The following KCNN2 variants were observed in gnomAD, a reference collection of about 807,000 sequenced individuals.
The protein encoded by KCNN2 is small conductance calcium-activated potassium channel protein 2.
KCNN2 carries 24 observed loss-of-function variants against 55.5 expected under a neutral mutation model. That is an observed-to-expected ratio of 0.43 (90% CI 0.31 to 0.61). The LOEUF (loss-of-function observed/expected upper bound fraction) is 0.61, where lower values mean the gene tolerates loss of function less well. Among genes scored for constraint, KCNN2 ranks in the 20% least tolerant of loss-of-function variants. The probability of loss-of-function intolerance (pLI) is 0.08; values close to 1 mark genes in which losing one functional copy is unlikely to be tolerated. For synonymous variants in KCNN2, 431 were observed against 336.1 expected (o/e 1.28, Z -3.09); for missense variants, 754 against 853.6 (o/e 0.88, Z 1.45).
At chr5:114,118,074 G>T (rs1751745571) in intron 1 of KCNN2, among the ~76,000 whole-genome samples, 1 of 152,136 alleles carries the variant, frequency 6.6e-6, no homozygotes, top group African/African-American at 2.4e-5. Context: ...GAGCTGCCCT[G>T]CAGTAATAGC....
chr5:114,343,709 A>G (rs1335497243), intron 2 of KCNN2, among the ~76,000 whole-genome samples: 3 of 149,364 alleles, frequency 2.0e-5, no homozygotes. Flanking sequence ...GGGGAACAAC[A>G]TGGTGTGGGG....
intron 2 of KCNN2, among the ~76,000 whole-genome samples, chr5:114,383,739 A>T (rs1561598969): frequency 6.6e-6 from 1 of 152,136 alleles, no homozygotes; most frequent in Non-Finnish European, 1.5e-5. Flanking sequence ...AAGTGCTGGG[A>T]TTACAGGCAT....
At chr5:114,490,976 T>C (rs1221102035) in intron 6 of KCNN2, among the ~76,000 whole-genome samples, 1 of 152,172 alleles carries the variant, frequency 6.6e-6, no homozygotes, top group Non-Finnish European at 1.5e-5. Flanking sequence ...TCAGCTCTCC[T>C]ACATTACAGG....
At chr5:114,168,245 G>A (rs142391793) in intron 1 of KCNN2, among the ~76,000 whole-genome samples, 72 of 151,216 alleles carry the variant, frequency 4.8e-4, no homozygotes, top group African/African-American at 1.7e-3. Context: ...TACAAGTCTG[G>A]TTATGGGTTT....
chr5:114,431,649 A>G (rs1759798508), intron 3 of KCNN2, among the ~76,000 whole-genome samples: 1 of 151,158 alleles, frequency 6.6e-6, no homozygotes. Context: ...TCTTTTTCTC[A>G]TTTTCTAAGG....
At chr5:114,157,944 T>G (rs889015658) in intron 1 of KCNN2, among the ~76,000 whole-genome samples, 3 of 151,846 alleles carry the variant, frequency 2.0e-5, no homozygotes, top group African/African-American at 4.8e-5. Context: ...TTTCTCCCAT[T>G]CTGTAGGTTG....
At chr5:114,116,395 T>A (rs62381849) in intron 1 of KCNN2, among the ~76,000 whole-genome samples, 21,454 of 152,154 alleles carry the variant, frequency 0.14, 1,684 homozygotes, top group East Asian at 0.29. Context: ...TTTGAAAAGA[T>A]GTTTAAATGT....
At chr5:114,250,824 A>G (rs1157548192) in intron 2 of KCNN2, among the ~76,000 whole-genome samples, 1 of 152,162 alleles carries the variant, frequency 6.6e-6, no homozygotes, top group African/African-American at 2.4e-5. Context: ...ATGGAAAGGA[A>G]TTTAATATTT....
intron 3 of KCNN2, among the ~76,000 whole-genome samples, chr5:114,417,007 A>G (rs1759326438): frequency 2.0e-5 from 3 of 152,240 alleles, no homozygotes; most frequent in Non-Finnish European, 4.4e-5. Context: ...GTTTTTGAAC[A>G]AAACTGGGTT....
chr5:114,391,263 CT>C (rs1758444220), intron 2 of KCNN2, among the ~76,000 whole-genome samples: 1 of 152,110 alleles, frequency 6.6e-6, no homozygotes, highest in South Asian at 2.1e-4. Flanking sequence ...TTTAATTCAT[CT>C]ACTTGTCCCT....
intron 2 of KCNN2, among the ~76,000 whole-genome samples, chr5:114,345,768 C>T (rs1470842822): frequency 6.6e-6 from 1 of 151,964 alleles, no homozygotes; most frequent in Non-Finnish European, 1.5e-5. Context: ...TCTGGGGAGG[C>T]CTCTGGGAGC....
chr5:114,090,561 C>CTCTA (rs1751118911), intron 1 of KCNN2, among the ~76,000 whole-genome samples: 3 of 138,152 alleles, frequency 2.2e-5, no homozygotes, highest in Non-Finnish European at 4.8e-5. Context: ...CTCTCTCTCT[C>CTCTA]TATATATATA....
chr5:114,362,815 C>G lies in KCNN2; in HGVS notation c.676C>G (p.Leu226Val), dbSNP rs764288113. 1 of 1,598,704 alleles carries G rather than the reference C, an allele frequency of 6.3e-7. No individual in the cohort carries two copies. The highest frequency in any genetic ancestry group is 8.5e-7 in the Non-Finnish European group (1 of 1,177,920). ...CRYNGGVMRP[L>V]SNLSASRRNL... is the part of the protein sequence containing the mutation. ...GTACAACGGGGGCGTCATGCGGCCG[C>G]TCAGCAACTTGAGCGCGTCCCGCCG... The change falls in exon 1 of 8, where the codon CTC becomes GTC. Residue 226 changes from leucine to valine, a missense_variant. Leu to Val is a conservative substitution (Grantham distance 32). This residue lies in a region of KCNN2 where 381 missense variants were observed against 259.1 expected (regional missense o/e 1.47). Transcript: ENST00000673685.
intron 1 of KCNN2, among the ~76,000 whole-genome samples, chr5:114,190,878 G>A (rs986439430): frequency 5.3e-5 from 8 of 152,080 alleles, no homozygotes; most frequent in East Asian, 3.9e-4. Flanking sequence ...ATTGGGGAAC[G>A]GTTATAGGTT....
chr5:114,285,070 C>T (rs1755710070), intron 2 of KCNN2, among the ~76,000 whole-genome samples: 1 of 151,220 alleles, frequency 6.6e-6, no homozygotes, highest in Non-Finnish European at 1.5e-5. Flanking sequence ...ATCACGAGGT[C>T]AGGAGATCGA....
intron 1 of KCNN2, among the ~76,000 whole-genome samples, chr5:114,207,617 AG>A (rs1444231369): frequency 6.6e-6 from 1 of 152,174 alleles, no homozygotes; most frequent in Non-Finnish European, 1.5e-5. Flanking sequence ...AAATCATTGT[AG>A]GAATTTTTTT....
At chr5:114,139,946 G>A (rs1244516509) in intron 1 of KCNN2, among the ~76,000 whole-genome samples, 1 of 151,764 alleles carries the variant, frequency 6.6e-6, no homozygotes, top group Non-Finnish European at 1.5e-5. Context: ...TAAACAGATT[G>A]AATACAGAAA....
At chr5:114,111,739 A>G (rs1270225479) in intron 1 of KCNN2, among the ~76,000 whole-genome samples, 2 of 152,222 alleles carry the variant, frequency 1.3e-5, no homozygotes, top group African/African-American at 2.4e-5. Flanking sequence ...GCTTATCATC[A>G]CTGGTCATCA....
In KCNN2 at chr5:114,168,172, T is replaced by TACAC. The variant is rs769162956; in HGVS notation, c.-270-53307_-270-53306insCACA. On this transcript the variant is annotated intron_variant, in intron 1 of 10. Coordinates refer to the KCNN2 transcript ENST00000512097. ...ATATAATCATATATATGTGGATATA[T>TACAC]ATACACACACACACACACACACACA... is the stretch of plus-strand genomic sequence containing the variant. Among the ~76,000 whole-genome samples, 181 of 127,216 alleles carry TACAC rather than the reference T, an allele frequency of 1.4e-3. 1 individual carries two copies. The highest frequency in any genetic ancestry group is 3.3e-3 in the African/African-American group (120 of 36,268). The allele number at this position is 127,216 out of a possible 152,430, so 83.5% of individuals were successfully genotyped here.
Sources: allele counts gnomAD v4.1 joint callset (sites outside exome capture counted in the v4.1 genomes callset), GRCh38; gene constraint gnomAD v4.1.1; regional missense constraint gnomAD v4.1.1; transcripts MANE v1.5; gene names NCBI Gene and HGNC (gene_info 2026-07-23, HGNC 2026-07-21).